The following LMCD1 variants were observed in gnomAD, a reference collection of about 807,000 sequenced individuals.
LMCD1 encodes the protein LIM and cysteine-rich domains protein 1.
LMCD1 carries 32 observed loss-of-function variants against 42.7 expected under a neutral mutation model. The ratio of observed to expected loss-of-function variants is 0.75; its 90% CI spans 0.57 to 1.01. The LOEUF is 1.01. LMCD1 is among the 50% of genes least tolerant of loss of function. LMCD1 has a pLI of 0.00. For missense variants in LMCD1, 458 were observed against 483.1 expected, an observed-to-expected ratio of 0.95 and a Z score of 0.49; for synonymous variants, 178 against 184.9, an observed-to-expected ratio of 0.96 and a Z score of 0.30.
chr3:8,511,707 C>T (rs567699189), intron 1 of LMCD1, among the ~76,000 whole-genome samples: 3 of 152,344 alleles, frequency 2.0e-5, no homozygotes, highest in Admixed American at 1.3e-4. Flanking sequence ...CCATCTTGGA[C>T]TGTGGAGAAA....
intron 1 of LMCD1, among the ~76,000 whole-genome samples, chr3:8,515,432 G>A (rs1232453180): frequency 6.6e-6 from 1 of 152,140 alleles, no homozygotes; most frequent in Non-Finnish European, 1.5e-5. Context: ...TGAAGTCCTC[G>A]TGTGGACTTA....
chr3:8,564,533 A>G (rs185903051), intron 4 of LMCD1, among the ~76,000 whole-genome samples: 3 of 152,294 alleles, frequency 2.0e-5, no homozygotes, highest in Admixed American at 2.0e-4. Context: ...CCAGTTCCCA[A>G]CGTGCTAGAA....
intron 1 of LMCD1, among the ~76,000 whole-genome samples, chr3:8,532,075 C>T (rs941153520): frequency 7.9e-5 from 12 of 152,152 alleles, no homozygotes; most frequent in Admixed American, 2.6e-4. Context: ...CCCCAGGTGA[C>T]GCTTCTGGTT....
chr3:8,563,421 AG>A (rs1695074909), intron 4 of LMCD1, among the ~76,000 whole-genome samples: 1 of 152,260 alleles, frequency 6.6e-6, no homozygotes. Context: ...TCCTTCATTC[AG>A]CAACTATTGA....
chr3:8,532,655 C>G, intron 1 of LMCD1, 82 bp from the exon 2 acceptor site: 1 of 1,172,204 alleles, frequency 8.5e-7, no homozygotes, highest in South Asian at 1.3e-5. Flanking sequence ...CCTTTGCCAG[C>G]ACGCCAAGTC....
At chr3:8,510,589 G>T (rs934723213) in intron 1 of LMCD1, among the ~76,000 whole-genome samples, 5 of 152,140 alleles carry the variant, frequency 3.3e-5, no homozygotes, top group Admixed American at 2.0e-4. Flanking sequence ...AAGTTTAGCA[G>T]CTCCTATGCC....
At position 8,554,432 on chromosome 3, in the gene LMCD1, C is replaced by T. The variant is rs188817817; in HGVS notation, c.723+5529C>T. Reference sequence around the variant, plus strand: ...GTTTAGGTTCTCCAGGGTGGGCAGCCGTGTATGGGGTAGCTTGCAGCTCAG... The same window carrying T: ...GTTTAGGTTCTCCAGGGTGGGCAGCTGTGTATGGGGTAGCTTGCAGCTCAG... On this transcript the variant is annotated intron_variant, in intron 4 of 5. Coordinates refer to ENST00000157600, the MANE Select transcript of LMCD1 (RefSeq NM_014583.4). Among the ~76,000 whole-genome samples the T allele has an allele frequency of 4.0e-4, 61 of 152,230 alleles. 1 individual carries two copies. The highest frequency in any genetic ancestry group is 1.3e-3 in the African/African-American group (54 of 41,532).
intron 4 of LMCD1, among the ~76,000 whole-genome samples, chr3:8,557,747 A>G (rs1694950786): frequency 1.3e-5 from 2 of 152,208 alleles, no homozygotes; most frequent in South Asian, 4.1e-4. Flanking sequence ...GCTGCATATC[A>G]AAGCATCCCA....
intron 1 of LMCD1, chr3:8,515,071 C>T (rs961747793): frequency 2.2e-6 from 1 of 455,146 alleles, no homozygotes; most frequent in Non-Finnish European, 4.4e-6. Context: ...TGATATGTAT[C>T]CAGGCAGCAG....
rs1695230757 is a variant in LMCD1, at chr3:8,572,244, A to C, written c.*4646A>C. 1 of 152,212 alleles carries C rather than the reference A, an allele frequency of 6.6e-6. No individual in the cohort carries two copies. The allele number at this position is 152,212 out of a possible 1,614,324, so 9.4% of individuals were successfully genotyped here. A position where few individuals can be genotyped will look rare whatever the true frequency, so the allele number is the denominator to read the frequency against. On this transcript the variant is annotated 3_prime_UTR_variant, in exon 6 of 6. Coordinates refer to ENST00000157600, the MANE Select transcript of LMCD1 (RefSeq NM_014583.4). ...AGATTCAGCTTATGCATTTTTTGGA[A>C]GGAATACCACAGAAGTGATGTTGTT...
At chr3:8,558,249 A>G (rs1010286184) in intron 4 of LMCD1, among the ~76,000 whole-genome samples, 2 of 152,210 alleles carry the variant, frequency 1.3e-5, no homozygotes, top group African/African-American at 4.8e-5. Flanking sequence ...TTAAACACCC[A>G]TGGCTGAGGG....
chr3:8,523,502 A>G (rs995463770), intron 1 of LMCD1, among the ~76,000 whole-genome samples: 1 of 152,118 alleles, frequency 6.6e-6, no homozygotes, highest in Non-Finnish European at 1.5e-5. Flanking sequence ...TTTTTGGTTG[A>G]TTTCTGCCAT....
chr3:8,525,766 C>G (rs1486945669), intron 1 of LMCD1, among the ~76,000 whole-genome samples: 1 of 152,160 alleles, frequency 6.6e-6, no homozygotes, highest in Non-Finnish European at 1.5e-5. Context: ...GTTGAAGTTA[C>G]AATGGTGAGA....
chr3:8,539,940 A>T (rs899502007), intron 3 of LMCD1, among the ~76,000 whole-genome samples: 28 of 151,710 alleles, frequency 1.8e-4, no homozygotes, highest in African/African-American at 6.5e-4. Flanking sequence ...CATCATTTAC[A>T]TTAGGTATTC....
chr3:8,559,286 GA>G (rs1243676537), intron 4 of LMCD1, among the ~76,000 whole-genome samples: 3 of 152,120 alleles, frequency 2.0e-5, no homozygotes, highest in Non-Finnish European at 4.4e-5. Flanking sequence ...GTCATTTTAG[GA>G]AAGTGGTTTA....
intron 2 of LMCD1, among the ~76,000 whole-genome samples, chr3:8,534,652 AC>A (rs1202313992): frequency 6.6e-6 from 1 of 152,234 alleles, no homozygotes; most frequent in Non-Finnish European, 1.5e-5. Flanking sequence ...CAAAGTGCCA[AC>A]CAACATGGTT....
intron 4 of LMCD1, among the ~76,000 whole-genome samples, chr3:8,557,907 T>C (rs1694952878): frequency 6.6e-6 from 1 of 152,186 alleles, no homozygotes; most frequent in Non-Finnish European, 1.5e-5. Context: ...TTCACTCATG[T>C]GCTTGAGCTA....
chr3:8,545,177 A>G (rs1025297478), intron 3 of LMCD1, among the ~76,000 whole-genome samples: 4 of 152,180 alleles, frequency 2.6e-5, no homozygotes, highest in African/African-American at 4.8e-5. Context: ...GTCCATAATG[A>G]TTTAATTATA....
intron 1 of LMCD1, among the ~76,000 whole-genome samples, chr3:8,527,794 AC>A (rs1694327615): frequency 6.6e-6 from 1 of 152,240 alleles, no homozygotes; most frequent in Admixed American, 6.5e-5. Flanking sequence ...AGATAGAATC[AC>A]AATTGTTGTG....
Sources: allele counts gnomAD v4.1 joint callset (sites outside exome capture counted in the v4.1 genomes callset), GRCh38; gene constraint gnomAD v4.1.1; transcripts MANE v1.5; gene names NCBI Gene and HGNC (gene_info 2026-07-23, HGNC 2026-07-21).